Variants in FBXW7 observed in about 807,000 individuals in gnomAD.
The protein encoded by FBXW7 is F-box and WD repeat domain containing 7, also known as F-box/WD repeat-containing protein 7.
In FBXW7, 11 loss-of-function variants were observed where a neutral mutation model predicts 86.3. The observed-to-expected ratio is 0.13, with a 90% CI of 0.08 to 0.21. The LOEUF is 0.21. FBXW7 is among the 10% of genes least tolerant of loss of function. The pLI, the probability that FBXW7 is intolerant of heterozygous loss-of-function variation, is 1.00. For synonymous variants in FBXW7, 313 were observed against 297.9 expected (o/e 1.05, Z -0.52); for missense variants, 488 against 847.4 (o/e 0.58, Z 5.27).
chr4:152,360,887 G>A (rs1455712662), intron 4 of FBXW7, among the ~76,000 whole-genome samples: 1 of 149,456 alleles, frequency 6.7e-6, no homozygotes, highest in Non-Finnish European at 1.5e-5. Flanking sequence ...CATTTGGCTG[G>A]CAGATACAGA....
At chr4:152,404,923 T>A (rs973657999) in intron 4 of FBXW7, among the ~76,000 whole-genome samples, 6 of 151,772 alleles carry the variant, frequency 4.0e-5, no homozygotes, top group African/African-American at 1.5e-4. Context: ...TAAGACCTTG[T>A]CTTTACAGAT....
intron 4 of FBXW7, among the ~76,000 whole-genome samples, chr4:152,360,074 C>T (rs1560803085): frequency 1.3e-5 from 2 of 152,244 alleles, no homozygotes; most frequent in South Asian, 2.1e-4. Context: ...TAGGGGATAA[C>T]CCATGTGATA....
chr4:152,407,353 G>A (rs943839545), intron 4 of FBXW7, among the ~76,000 whole-genome samples: 1 of 152,182 alleles, frequency 6.6e-6, no homozygotes, highest in Admixed American at 6.5e-5. Flanking sequence ...TTTACTAGTG[G>A]ATGTTATTCA....
intron 2 of FBXW7, chr4:152,530,336 A>G (rs371295303): frequency 6.6e-6 from 1 of 152,168 alleles, no homozygotes; most frequent in East Asian, 1.9e-4. Flanking sequence ...AATTTGACTC[A>G]TATTATTCAA....
At chr4:152,526,912 AGTTTTAGATGTTTC>A (rs1216046331) in intron 2 of FBXW7, among the ~76,000 whole-genome samples, 4 of 152,242 alleles carry the variant, frequency 2.6e-5, no homozygotes, top group Non-Finnish European at 4.4e-5. Context: ...ATGTTAATGA[AGTTTTAGATGTTTC>A]TGAAAACACA....
intron 2 of FBXW7, among the ~76,000 whole-genome samples, chr4:152,494,471 A>AT (rs961801890): frequency 6.6e-6 from 1 of 152,092 alleles, no homozygotes; most frequent in Non-Finnish European, 1.5e-5. Flanking sequence ...TGAATTTATA[A>AT]TTTTTTTTAA....
intron 2 of FBXW7, among the ~76,000 whole-genome samples, chr4:152,485,535 A>G (rs1201888428): frequency 1.3e-5 from 2 of 152,184 alleles, no homozygotes; most frequent in Non-Finnish European, 2.9e-5. Context: ...AAACAAGGAA[A>G]GAAAAGAACC....
chr4:152,326,002 T>A lies in FBXW7; in HGVS notation c.1644+4A>T, dbSNP rs1317301551. On this transcript the variant is annotated splice_donor_region_variant and intron_variant, in intron 12 of 13. Coordinates refer to ENST00000281708, the MANE Select transcript of FBXW7 (RefSeq NM_001349798.2). ...GCATTTAAGGGAGAGATAAGAGATC[T>A]TACCTGTAATGAATAGACTCTATTA... is the stretch of plus-strand genomic sequence containing the variant. 3 of 1,610,362 alleles carry A rather than the reference T, an allele frequency of 1.9e-6. No homozygotes were observed. The South Asian group carries it at 3.3e-5, about 18-fold the overall frequency.
At chr4:152,526,527 A>C (rs1341608885) in intron 2 of FBXW7, among the ~76,000 whole-genome samples, 1 of 152,230 alleles carries the variant, frequency 6.6e-6, no homozygotes, top group African/African-American at 2.4e-5. Flanking sequence ...AGGAAAAAAC[A>C]AAAACTAAAA....
At chr4:152,525,221 C>T (rs1421796912) in intron 2 of FBXW7, among the ~76,000 whole-genome samples, 1 of 152,158 alleles carries the variant, frequency 6.6e-6, no homozygotes, top group Admixed American at 6.6e-5. Flanking sequence ...ATAAACCCAT[C>T]TAATTTCTAC....
At chr4:152,369,282 T>C (rs1733779774) in intron 4 of FBXW7, among the ~76,000 whole-genome samples, 1 of 152,080 alleles carries the variant, frequency 6.6e-6, no homozygotes, top group Non-Finnish European at 1.5e-5. Flanking sequence ...GTACTACTAT[T>C]AGCTCTTCAC....
intron 6 of FBXW7, among the ~76,000 whole-genome samples, chr4:152,341,826 C>T (rs543323236): frequency 2.0e-5 from 3 of 152,016 alleles, no homozygotes; most frequent in Non-Finnish European, 4.4e-5. Flanking sequence ...TGTGTGCGCG[C>T]GCATGCATGT....
chr4:152,323,223 G>T (rs2126468239), intron 13 of FBXW7, 74 bp from the exon 14 acceptor site: 2 of 1,471,986 alleles, frequency 1.4e-6, no homozygotes, highest in South Asian at 2.6e-5. Context: ...ATAATTTGTA[G>T]ACTTCTACTT....
chr4:152,420,510 C>T (rs948128819), intron 2 of FBXW7, among the ~76,000 whole-genome samples: 6 of 152,136 alleles, frequency 3.9e-5, no homozygotes, highest in African/African-American at 1.2e-4. Context: ...GTTTACTTTG[C>T]CCAGATTCAT....
intron 4 of FBXW7, among the ~76,000 whole-genome samples, chr4:152,375,546 C>A (rs561168580): frequency 8.6e-5 from 13 of 151,900 alleles, no homozygotes; most frequent in South Asian, 8.3e-4. Flanking sequence ...TCACTATGAG[C>A]GACAAATAAT....
chr4:152,463,157 G>A (rs1452387845), intron 2 of FBXW7, among the ~76,000 whole-genome samples: 5 of 151,622 alleles, frequency 3.3e-5, no homozygotes, highest in Admixed American at 2.6e-4. Context: ...GCGTGGTGGT[G>A]GGCGCCTGTA....
At chr4:152,523,575 G>A (rs1418452355) in intron 2 of FBXW7, among the ~76,000 whole-genome samples, 1 of 152,160 alleles carries the variant, frequency 6.6e-6, no homozygotes. Flanking sequence ...AATTTAAGTA[G>A]TAAGTCAAGG....
chr4:152,414,349 C>A (rs1168913761), intron 2 of FBXW7, among the ~76,000 whole-genome samples: 2 of 151,966 alleles, frequency 1.3e-5, no homozygotes, highest in Non-Finnish European at 2.9e-5. Context: ...CCTCATGGAC[C>A]ATGAAAATGA....
At chr4:152,448,092 A>G (rs926176392) in intron 2 of FBXW7, among the ~76,000 whole-genome samples, 1 of 152,242 alleles carries the variant, frequency 6.6e-6, no homozygotes, top group Non-Finnish European at 1.5e-5. Flanking sequence ...AAAACAAGAA[A>G]GAAAAACTAA....
Sources: gnomAD v4.1 joint callset for allele counts (sites outside exome capture counted in the v4.1 genomes callset) on GRCh38, gnomAD v4.1.1 for gene constraint, MANE v1.5 for transcripts, NCBI Gene and HGNC (gene_info 2026-07-23, HGNC 2026-07-21) for gene names.